ACER3: variants seen among roughly 807,000 people sequenced by gnomAD.
ACER3 encodes the protein alkaline ceramidase 3.
A neutral mutation model predicts 48.9 loss-of-function variants in ACER3; 16 were observed. The ratio of observed to expected loss-of-function variants is 0.33; its 90% confidence interval spans 0.22 to 0.50. The LOEUF (loss-of-function observed/expected upper bound fraction) is 0.50, where lower values mean the gene tolerates loss of function less well. ACER3 is among the 20% of genes least tolerant of loss of function. ACER3 has a pLI of 0.98. For missense variants in ACER3, 227 were observed against 326.0 expected (o/e 0.70, Z 2.34); for synonymous variants, 109 against 107.8 (o/e 1.01, Z -0.07).
chr11:76,884,095 C>G (rs973366862), intron 1 of ACER3, among the ~76,000 whole-genome samples: 1 of 152,168 alleles, frequency 6.6e-6, no homozygotes, highest in South Asian at 2.1e-4. Context: ...GTTTACAGCT[C>G]TATAGTAGTT....
intron 4 of ACER3, among the ~76,000 whole-genome samples, chr11:76,981,059 C>A (rs887382849): frequency 1.1e-4 from 17 of 152,106 alleles, no homozygotes; most frequent in African/African-American, 2.4e-5. Flanking sequence ...ATACCTGAGA[C>A]ATACAAAGTT....
At chr11:76,976,801 T>A (rs992523311) in intron 4 of ACER3, among the ~76,000 whole-genome samples, 1 of 152,218 alleles carries the variant, frequency 6.6e-6, no homozygotes, top group Non-Finnish European at 1.5e-5. Context: ...GCTTTCTTAT[T>A]CTAAGGTAGA....
At chr11:76,978,837 G>C (rs1948511298) in intron 4 of ACER3, among the ~76,000 whole-genome samples, 1 of 151,972 alleles carries the variant, frequency 6.6e-6, no homozygotes, top group African/African-American at 2.4e-5. Context: ...AGATGGGGGT[G>C]CCCACAGTGG....
At chr11:76,901,443 G>A (rs1182788715) in intron 1 of ACER3, among the ~76,000 whole-genome samples, 1 of 152,220 alleles carries the variant, frequency 6.6e-6, no homozygotes, top group East Asian at 1.9e-4. Context: ...AGACTTGGGG[G>A]TTAGCAGCTT....
chr11:76,978,035 G>T (rs1011204430), intron 4 of ACER3, among the ~76,000 whole-genome samples: 1 of 152,232 alleles, frequency 6.6e-6, no homozygotes, highest in Admixed American at 6.5e-5. Context: ...TTTAGGCACT[G>T]ACAAGCATGG....
chr11:76,977,714 A>G (rs770282226), intron 4 of ACER3, among the ~76,000 whole-genome samples: 2 of 152,060 alleles, frequency 1.3e-5, no homozygotes, highest in South Asian at 2.1e-4. Flanking sequence ...GGGGCCGGGA[A>G]CAGGTGGGAA....
intron 6 of ACER3, among the ~76,000 whole-genome samples, chr11:76,992,867 T>C (rs1213311799): frequency 2.1e-5 from 2 of 95,862 alleles, no homozygotes; most frequent in Non-Finnish European, 5.0e-5. Context: ...TTCAACAATC[T>C]CCCCACCTTT....
chr11:77,007,120 A>AG (rs1555021193), intron 7 of ACER3, among the ~76,000 whole-genome samples: 1 of 151,618 alleles, frequency 6.6e-6, no homozygotes, highest in African/African-American at 2.4e-5. Flanking sequence ...TCTTGAAAAA[A>AG]AAAAAAAACT....
intron 3 of ACER3, among the ~76,000 whole-genome samples, chr11:76,959,536 G>A (rs1433187683): frequency 6.6e-6 from 1 of 151,094 alleles, no homozygotes; most frequent in Non-Finnish European, 1.5e-5. Context: ...GTTTTTTTTT[G>A]CAATTTATTT....
At chr11:76,896,519 A>T (rs1945934784) in intron 1 of ACER3, among the ~76,000 whole-genome samples, 1 of 151,978 alleles carries the variant, frequency 6.6e-6, no homozygotes, top group African/African-American at 2.4e-5. Flanking sequence ...GACTAGTAGA[A>T]TCCCCCCTCC....
Position 77,024,877 on chromosome 11 carries a change from A to G in ACER3, c.*4550A>G, listed in dbSNP as rs1480956188. 6.6e-6 allele frequency: 1 copy of G among 152,234 alleles called. No individual in the cohort carries two copies. The highest frequency in any genetic ancestry group is 1.5e-5 in the Non-Finnish European group (1 of 68,038). The allele number at this position is 152,234 out of a possible 1,614,324, so 9.4% of individuals were successfully genotyped here. On this transcript the variant is annotated 3_prime_UTR_variant, in exon 11 of 11. Transcript: ENST00000532485. ...TTTTAAATAGAAAACCCTAAAATGC[A>G]AATCAAGAAATTCAGTTACAGGCTG...
intron 2 of ACER3, among the ~76,000 whole-genome samples, chr11:76,943,228 T>C (rs1486578182): frequency 6.6e-6 from 1 of 152,094 alleles, no homozygotes; most frequent in Non-Finnish European, 1.5e-5. Context: ...TTCTTGTTTT[T>C]CTAGTTCCTT....
chr11:77,004,796 G>T (rs1380775382), intron 7 of ACER3, among the ~76,000 whole-genome samples: 1 of 152,042 alleles, frequency 6.6e-6, no homozygotes, highest in African/African-American at 2.4e-5. Flanking sequence ...GTTTCAACCT[G>T]ATCATACTGT....
intron 10 of ACER3, 122 bp from the exon 11 acceptor site, chr11:77,020,151 CA>C (rs2135341249): frequency 2.1e-6 from 2 of 930,650 alleles, no homozygotes; most frequent in Non-Finnish European, 3.3e-6. Flanking sequence ...CTGCTAATAC[CA>C]GGACAATCAC....
At chr11:76,989,068 ATT>A in intron 5 of ACER3, among the ~76,000 whole-genome samples, 1 of 152,288 alleles carries the variant, frequency 6.6e-6, no homozygotes, top group African/African-American at 2.4e-5. Flanking sequence ...GTCGTTTTGC[ATT>A]TCTTTTATTA....
chr11:77,016,795 T>C lies in ACER3; in HGVS notation c.704+16T>C, dbSNP rs1555023451. The C allele has an allele frequency of 7.1e-7, 1 of 1,414,978 alleles. No homozygotes were observed. The highest frequency in any genetic ancestry group is 9.8e-7 in the Non-Finnish European group (1 of 1,020,384). The allele number at this position is 1,414,978 out of a possible 1,614,324, so 87.7% of individuals were successfully genotyped here. A position where few individuals can be genotyped will look rare whatever the true frequency, so the allele number is the denominator to read the frequency against. Reference sequence around the variant, plus strand: ...TCCTTTTCAGGTAGGAAATAGAGACTTTTTTAGCCTCGTACTAGAGTTTGT... The same window carrying C: ...TCCTTTTCAGGTAGGAAATAGAGACCTTTTTAGCCTCGTACTAGAGTTTGT... On this transcript the variant is annotated intron_variant, in intron 9 of 10. Transcript: ENST00000532485.
At position 76,967,694 on chromosome 11, in the gene ACER3, A is replaced by C. The variant is rs1375118102; in HGVS notation, c.268-8595A>C. Among the ~76,000 whole-genome samples the C allele has an allele frequency of 1.2e-4, 18 of 152,388 alleles. No homozygotes were observed. In the East Asian group the frequency reaches 3.5e-3, roughly 29 times the overall value. On this transcript the variant is annotated intron_variant, in intron 3 of 10. Coordinates refer to ENST00000532485, the MANE Select transcript of ACER3 (RefSeq NM_018367.7). ...AAACAGAACCAAAGACAAAAACCAC[A>C]TGGTTATCACAATAGATGCAGCAAA...
intron 2 of ACER3, among the ~76,000 whole-genome samples, chr11:76,947,419 T>C (rs1947506394): frequency 6.6e-6 from 1 of 152,236 alleles, no homozygotes; most frequent in Non-Finnish European, 1.5e-5. Context: ...ATATCTATAG[T>C]CTGTCACTGC....
In ACER3 at chr11:77,026,042, T is replaced by C. The variant is rs1216950814; in HGVS notation, c.*5715T>C. 6.6e-6 allele frequency: 1 copy of C among 152,236 alleles called. No homozygotes were observed. The highest frequency in any genetic ancestry group is 1.5e-5 in the Non-Finnish European group (1 of 68,040). 9.4% of individuals were successfully genotyped at this position (152,236 alleles called of 1,614,324 possible). On this transcript the variant is annotated 3_prime_UTR_variant, in exon 11 of 11. Transcript: ENST00000532485. ...AGATTGGCAATAGCCTGTTGCAAAGTGCCTAAACCTTTGAGAAAAATTACT... is the reference window on the plus strand; with the variant it reads ...AGATTGGCAATAGCCTGTTGCAAAGCGCCTAAACCTTTGAGAAAAATTACT...
Sources: allele counts gnomAD v4.1 joint callset (sites outside exome capture counted in the v4.1 genomes callset), GRCh38; gene constraint gnomAD v4.1.1; transcripts MANE v1.5; gene names NCBI Gene and HGNC (gene_info 2026-07-23, HGNC 2026-07-21).